RSPO2: variants seen among roughly 807,000 people sequenced by gnomAD.
The protein encoded by RSPO2 is R-spondin-2.
A neutral mutation model predicts 30.9 loss-of-function variants in RSPO2; 14 were observed. That is an observed-to-expected ratio of 0.45 (90% CI 0.30 to 0.71). RSPO2 has a LOEUF of 0.71. Among genes scored for constraint, RSPO2 ranks in the 30% least tolerant of loss-of-function variants. The pLI, the probability that RSPO2 is intolerant of heterozygous loss-of-function variation, is 0.08. For synonymous variants in RSPO2, 107 were observed against 96.4 expected (o/e 1.11, Z -0.64); for missense variants, 264 against 301.9 (o/e 0.87, Z 0.93).
chr8:107,989,746 C>G (rs1423981935), intron 2 of RSPO2, among the ~76,000 whole-genome samples: 1 of 152,008 alleles, frequency 6.6e-6, no homozygotes, highest in Non-Finnish European at 1.5e-5. Context: ...AGGCTGGGAT[C>G]CAAATCAAAA....
intron 2 of RSPO2, among the ~76,000 whole-genome samples, chr8:108,006,193 A>G (rs1815446402): frequency 6.6e-6 from 1 of 152,214 alleles, no homozygotes; most frequent in African/African-American, 2.4e-5. Context: ...ATCTTTACAT[A>G]ATCCCAAAGG....
chr8:108,035,021 G>A (rs900753080), intron 2 of RSPO2, among the ~76,000 whole-genome samples: 1 of 152,118 alleles, frequency 6.6e-6, no homozygotes, highest in African/African-American at 2.4e-5. Context: ...GTTCTTTCCA[G>A]GGAAATACAT....
chr8:108,059,964 G>A (rs1474648755), intron 2 of RSPO2, among the ~76,000 whole-genome samples: 1 of 150,988 alleles, frequency 6.6e-6, no homozygotes, highest in Non-Finnish European at 1.5e-5. Context: ...TAACAAACCT[G>A]CACATTGTGC....
intron 3 of RSPO2, among the ~76,000 whole-genome samples, chr8:107,973,241 G>C (rs948644871): frequency 6.6e-6 from 1 of 150,762 alleles, no homozygotes; most frequent in African/African-American, 2.5e-5. Flanking sequence ...CTGCACTCCA[G>C]CCTCAGCAAC....
intron 5 of RSPO2, among the ~76,000 whole-genome samples, chr8:107,917,145 T>C (rs1423074746): frequency 6.6e-6 from 1 of 152,190 alleles, no homozygotes; most frequent in East Asian, 1.9e-4. Flanking sequence ...TTGGGTCTTG[T>C]TTGAAAAGCC....
At chr8:107,912,802 A>C (rs1470696369) in intron 5 of RSPO2, among the ~76,000 whole-genome samples, 1 of 152,186 alleles carries the variant, frequency 6.6e-6, no homozygotes, top group Non-Finnish European at 1.5e-5. Context: ...AGTGGTATCA[A>C]GATATTTGCT....
At chr8:108,003,307 ATATATTTTTTTT>A (rs1815336358) in intron 2 of RSPO2, among the ~76,000 whole-genome samples, 16 of 21,866 alleles carry the variant, frequency 7.3e-4, no homozygotes, top group African/African-American at 2.7e-3. Flanking sequence ...ATATATATAT[ATATATTTTTTTT>A]TTTTTTTTTT....
intron 2 of RSPO2, among the ~76,000 whole-genome samples, chr8:108,066,232 C>T (rs137887427): frequency 0.011 from 1,705 of 152,200 alleles, 16 homozygotes; most frequent in Middle Eastern, 0.02. Flanking sequence ...TATTTTCCTT[C>T]CTCTCCTCTC....
chr8:107,904,437 A>T (rs1270452638), intron 5 of RSPO2, among the ~76,000 whole-genome samples: 1 of 152,042 alleles, frequency 6.6e-6, no homozygotes, highest in African/African-American at 2.4e-5. Context: ...CAAATTTTGC[A>T]TATCTTTATC....
intron 5 of RSPO2, among the ~76,000 whole-genome samples, chr8:107,938,920 G>T (rs1418631284): frequency 6.6e-6 from 1 of 152,080 alleles, no homozygotes; most frequent in Non-Finnish European, 1.5e-5. Context: ...GCTAACTGAG[G>T]CAAGAAAAAT....
intron 2 of RSPO2, among the ~76,000 whole-genome samples, chr8:108,037,466 A>G (rs907386427): frequency 6.6e-6 from 1 of 152,238 alleles, no homozygotes; most frequent in Non-Finnish European, 1.5e-5. Context: ...AGTCATCTCC[A>G]TAACATGAAA....
At chr8:107,985,492 T>TA (rs567875605) in intron 3 of RSPO2, among the ~76,000 whole-genome samples, 1 of 152,200 alleles carries the variant, frequency 6.6e-6, no homozygotes, top group South Asian at 2.1e-4. Context: ...CATAATTCAT[T>TA]AAACAAGTTA....
chr8:108,060,573 G>A (rs61275952), intron 2 of RSPO2, among the ~76,000 whole-genome samples: 7,928 of 151,878 alleles, frequency 0.052, 811 homozygotes, highest in African/African-American at 0.17. Flanking sequence ...GTACCTGAAA[G>A]TGATGGGGAG....
At chr8:107,906,540 C>G (rs1184221041) in intron 5 of RSPO2, among the ~76,000 whole-genome samples, 1 of 151,818 alleles carries the variant, frequency 6.6e-6, no homozygotes. Flanking sequence ...TGATAGTAAG[C>G]AGATTCTTTT....
chr8:108,026,696 A>G (rs1017798498), intron 2 of RSPO2, among the ~76,000 whole-genome samples: 6 of 152,026 alleles, frequency 3.9e-5, no homozygotes, highest in African/African-American at 1.4e-4. Flanking sequence ...TTGAAACCCC[A>G]TGTCTACTAA....
chr8:108,050,024 C>G (rs1586658477), intron 2 of RSPO2, among the ~76,000 whole-genome samples: 1 of 152,216 alleles, frequency 6.6e-6, no homozygotes, highest in South Asian at 2.1e-4. Flanking sequence ...GTACCCTAAG[C>G]TTGGAATTAT....
intron 5 of RSPO2, among the ~76,000 whole-genome samples, chr8:107,912,074 C>G (rs1431841731): frequency 6.6e-6 from 1 of 152,000 alleles, no homozygotes; most frequent in East Asian, 1.9e-4. Flanking sequence ...TTTAGCAGCT[C>G]CAACTCAGTA....
intron 5 of RSPO2, among the ~76,000 whole-genome samples, chr8:107,906,601 T>C (rs1811655562): frequency 6.6e-6 from 1 of 151,898 alleles, no homozygotes; most frequent in South Asian, 2.1e-4. Context: ...TTAAAAACTA[T>C]TGGCCTAAAC....
At chr8:107,993,966 C>T (rs992161386) in intron 2 of RSPO2, among the ~76,000 whole-genome samples, 1 of 152,106 alleles carries the variant, frequency 6.6e-6, no homozygotes, top group African/African-American at 2.4e-5. Flanking sequence ...TCATCTTCAT[C>T]ATCTTCGTTG....
Sources: gnomAD v4.1 joint callset for allele counts (sites outside exome capture counted in the v4.1 genomes callset) on GRCh38, gnomAD v4.1.1 for gene constraint, MANE v1.5 for transcripts, NCBI Gene and HGNC (gene_info 2026-07-23, HGNC 2026-07-21) for gene names.